Variants in KCNIP4 observed in about 807,000 individuals in gnomAD.
The protein encoded by KCNIP4 is Kv channel-interacting protein 4.
In KCNIP4, 12 loss-of-function variants were observed where a neutral mutation model predicts 34.0. The ratio of observed to expected loss-of-function variants is 0.35; its 90% CI spans 0.23 to 0.57. KCNIP4 has a LOEUF of 0.57. Ranked by LOEUF, KCNIP4 falls within the 20% of genes least tolerant of loss-of-function variation. The probability of loss-of-function intolerance (pLI) is 0.83; values close to 1 mark genes in which losing one functional copy is unlikely to be tolerated. For synonymous variants in KCNIP4, 124 were observed against 102.2 expected (o/e 1.21, Z -1.29); for missense variants, 238 against 311.7 (o/e 0.76, Z 1.78).
At chr4:21,845,157 T>C (rs1469118753) in intron 1 of KCNIP4, 3 of 152,000 alleles carry the variant, frequency 2.0e-5, no homozygotes, top group South Asian at 2.1e-4. Flanking sequence ...CCCAATACCA[T>C]TGCTCTATTA....
intron 1 of KCNIP4, among the ~76,000 whole-genome samples, chr4:21,076,132 C>T (rs567317149): frequency 2.6e-5 from 4 of 152,062 alleles, no homozygotes; most frequent in African/African-American, 4.8e-5. Context: ...TTGCTCTTCT[C>T]GAGGAGTATC....
At chr4:21,293,918 G>A (rs547546347) in intron 1 of KCNIP4, among the ~76,000 whole-genome samples, 1 of 152,264 alleles carries the variant, frequency 6.6e-6, no homozygotes, top group Admixed American at 6.5e-5. Context: ...CTATCTGGGA[G>A]GCAGGAACAC....
Position 20,922,547 on chromosome 4 carries a change from G to GTCTGTCTGTCTGTCTGTCTATCTA in KCNIP4, c.62-39839_62-39838insTAGATAGACAGACAGACAGACAGA, listed in dbSNP as rs373186954. On this transcript the variant is annotated intron_variant, in intron 1 of 8. Coordinates refer to ENST00000382152, the MANE Select transcript of KCNIP4 (RefSeq NM_025221.6). ...TGTCTGTCTGTCTGTCTGTCTGTCT[G>GTCTGTCTGTCTGTCTGTCTATCTA]TCTATCTATCTATCTATCTATCTAT... is the stretch of plus-strand genomic sequence containing the variant. Among the ~76,000 whole-genome samples the GTCTGTCTGTCTGTCTGTCTATCTA allele has an allele frequency of 6.5e-3, 844 of 129,462 alleles. 6 individuals are homozygous for GTCTGTCTGTCTGTCTGTCTATCTA. Among genetic ancestry groups the GTCTGTCTGTCTGTCTGTCTATCTA allele is most frequent in the Non-Finnish European group, 8.3e-3 (502 of 60,530 alleles). The allele number at this position is 129,462 out of a possible 152,430, so 84.9% of individuals were successfully genotyped here. A position where few individuals can be genotyped will look rare whatever the true frequency, so the allele number is the denominator to read the frequency against.
chr4:21,318,960 G>T (rs1235311778), intron 1 of KCNIP4, among the ~76,000 whole-genome samples: 4 of 152,104 alleles, frequency 2.6e-5, no homozygotes, highest in Non-Finnish European at 5.9e-5. Context: ...TTGAACTCCA[G>T]AATTTTACTA....
intron 1 of KCNIP4, among the ~76,000 whole-genome samples, chr4:21,357,688 T>A (rs1244253907): frequency 6.6e-6 from 1 of 152,122 alleles, no homozygotes; most frequent in Non-Finnish European, 1.5e-5. Context: ...GGAGAGGATG[T>A]GGAGAAATAG....
chr4:21,757,238 AG>A (rs1717693689), intron 1 of KCNIP4, among the ~76,000 whole-genome samples: 1 of 24,548 alleles, frequency 4.1e-5, no homozygotes, highest in African/African-American at 2.7e-4. Context: ...AAAGAAAGAA[AG>A]AAAGAAAGAA....
chr4:20,840,718 A>C (rs529984730), intron 3 of KCNIP4, among the ~76,000 whole-genome samples: 7 of 152,202 alleles, frequency 4.6e-5, no homozygotes, highest in Non-Finnish European at 8.8e-5. Context: ...GAAATGAAAG[A>C]GAAACAAACA....
chr4:21,074,665 C>G (rs954476022), intron 1 of KCNIP4, among the ~76,000 whole-genome samples: 11 of 151,858 alleles, frequency 7.2e-5, no homozygotes, highest in African/African-American at 2.7e-4. Context: ...TTAGTTATTT[C>G]TTGCCTTCTG....
chr4:20,975,272 C>T (rs200758769), intron 1 of KCNIP4, among the ~76,000 whole-genome samples: 10 of 151,956 alleles, frequency 6.6e-5, no homozygotes, highest in East Asian at 1.9e-4. Context: ...GTCCTAGACT[C>T]GAAAGGCTCA....
intron 1 of KCNIP4, among the ~76,000 whole-genome samples, chr4:21,520,747 C>A (rs977285308): frequency 1.3e-5 from 2 of 152,052 alleles, no homozygotes; most frequent in African/African-American, 4.8e-5. Context: ...TGCCTGCCCA[C>A]CTGAGAAAAT....
At chr4:21,455,116 T>G (rs1189785460) in intron 1 of KCNIP4, among the ~76,000 whole-genome samples, 2 of 152,058 alleles carry the variant, frequency 1.3e-5, no homozygotes, top group Non-Finnish European at 2.9e-5. Flanking sequence ...GCTCTTATTC[T>G]GTCCTTTTCC....
At chr4:20,853,561 C>T (rs1721262250) in intron 2 of KCNIP4, among the ~76,000 whole-genome samples, 2 of 152,080 alleles carry the variant, frequency 1.3e-5, no homozygotes, top group Admixed American at 6.5e-5. Flanking sequence ...ATTGGAAAAA[C>T]CCTTTTAGAC....
intron 1 of KCNIP4, among the ~76,000 whole-genome samples, chr4:21,379,883 A>G (rs764880860): frequency 4.1e-5 from 2 of 48,996 alleles, no homozygotes; most frequent in Non-Finnish European, 7.9e-5. Flanking sequence ...GCCCACCCCC[A>G]TCACCCACTT....
chr4:21,580,431 AT>A (rs1741120646), intron 1 of KCNIP4, among the ~76,000 whole-genome samples: 2 of 152,120 alleles, frequency 1.3e-5, no homozygotes, highest in Non-Finnish European at 2.9e-5. Context: ...TGCTCAAGAT[AT>A]TTAAAAGAAA....
At chr4:20,877,972 T>C (rs77482486) in intron 2 of KCNIP4, among the ~76,000 whole-genome samples, 2 of 141,430 alleles carry the variant, frequency 1.4e-5, no homozygotes, top group Admixed American at 6.8e-5. Flanking sequence ...CTCTCTCTCT[T>C]TTTTTTTTTC....
At chr4:21,358,962 TC>T (rs780376659) in intron 1 of KCNIP4, among the ~76,000 whole-genome samples, 6 of 152,056 alleles carry the variant, frequency 3.9e-5, no homozygotes, top group Non-Finnish European at 8.8e-5. Flanking sequence ...GTCTCATGTC[TC>T]CCCACAATGT....
chr4:21,790,282 C>G (rs1720186928), intron 1 of KCNIP4, among the ~76,000 whole-genome samples: 1 of 152,178 alleles, frequency 6.6e-6, no homozygotes, highest in African/African-American at 2.4e-5. Context: ...TGTGTTCAAT[C>G]CTTAAAACAA....
chr4:21,427,973 T>G (rs1178268488), intron 1 of KCNIP4, among the ~76,000 whole-genome samples: 3 of 151,798 alleles, frequency 2.0e-5, no homozygotes, highest in African/African-American at 7.3e-5. Context: ...ATTGTTCTTA[T>G]AACTTAAAAA....
At chr4:21,480,301 T>C (rs1731315997) in intron 1 of KCNIP4, among the ~76,000 whole-genome samples, 1 of 152,046 alleles carries the variant, frequency 6.6e-6, no homozygotes, top group African/African-American at 2.4e-5. Flanking sequence ...AATCCTAACT[T>C]TGATACTATA....
Sources: allele counts gnomAD v4.1 joint callset (sites outside exome capture counted in the v4.1 genomes callset), GRCh38; gene constraint gnomAD v4.1.1; transcripts MANE v1.5; gene names NCBI Gene and HGNC (gene_info 2026-07-23, HGNC 2026-07-21).